HSPBP1: variants seen among roughly 807,000 people sequenced by gnomAD.
HSPBP1 encodes the protein hsp70-binding protein 1.
A neutral mutation model predicts 41.7 loss-of-function variants in HSPBP1; 31 were observed. That is an observed-to-expected ratio of 0.74 (90% CI 0.56 to 1.00). HSPBP1 has a LOEUF of 1.00. Among genes scored for constraint, HSPBP1 ranks in the 50% least tolerant of loss-of-function variants. The pLI is 0.00. For synonymous variants in HSPBP1, 199 were observed against 214.4 expected, an observed-to-expected ratio of 0.93 and a Z score of 0.63; for missense variants, 439 against 487.9, an observed-to-expected ratio of 0.90 and a Z score of 0.94.
intron 3 of HSPBP1, 56 bp from the exon 4 acceptor site, chr19:55,274,678 C>T: frequency 6.9e-7 from 1 of 1,450,314 alleles, no homozygotes; most frequent in Non-Finnish European, 9.4e-7. Context: ...AACCGTGCCC[C>T]CCAAAATGCA....
At position 55,277,838 on chromosome 19, in the gene HSPBP1, C is replaced by T. The variant is rs766073993; in HGVS notation, c.219G>A (p.Gln73=). 6.4e-7 allele frequency: 1 copy of T among 1,565,888 alleles called. No homozygotes were observed. The highest frequency in any genetic ancestry group is 1.8e-5 in the Admixed American group (1 of 54,822). The change falls in exon 3 of 8, where the codon CAG becomes CAA. Residue 73 remains glutamine, a synonymous_variant. Transcript: ENST00000433386. ...PPEPMSEERR[Q]WLQEAMSAAF... is the part of the protein sequence containing the mutation. Reference sequence around the variant, plus strand: ...CAGCCGACATGGCCTCCTGCAGCCACTGACGCCTCTGGAGACCAAGGCGAG... The same window carrying T: ...CAGCCGACATGGCCTCCTGCAGCCATTGACGCCTCTGGAGACCAAGGCGAG...
At chr19:55,275,323 G>A (rs1453342562) in intron 3 of HSPBP1, among the ~76,000 whole-genome samples, 3 of 152,104 alleles carry the variant, frequency 2.0e-5, no homozygotes, top group Admixed American at 1.3e-4. Context: ...CAGATTCCCC[G>A]TGACCCAGCA....
Position 55,265,512 on chromosome 19 carries a change from C to A in HSPBP1, c.894-123G>T, listed in dbSNP as rs2087751808. ...TGGCAAGTCGCTGCCCCACAATGGG[C>A]CTCCATTTCCCCATCTGCGGAATGG... is the stretch of plus-strand genomic sequence containing the variant. On this transcript the variant is annotated intron_variant, in intron 6 of 7. Coordinates refer to ENST00000433386, the MANE Select transcript of HSPBP1 (RefSeq NM_012267.5). The A allele has an allele frequency of 6.5e-6, 5 of 767,144 alleles. No homozygotes were observed. The South Asian group carries it at 7.2e-5, about 11-fold the overall frequency. The allele number at this position is 767,144 out of a possible 1,614,324, so 47.5% of individuals were successfully genotyped here.
intron 3 of HSPBP1, among the ~76,000 whole-genome samples, chr19:55,277,339 G>A (rs2088099921): frequency 6.6e-6 from 1 of 152,164 alleles, no homozygotes; most frequent in African/African-American, 2.4e-5. Context: ...CGTCACCCCG[G>A]GGAGGCCTTC....
intron 1 of HSPBP1, 46 bp from the exon 2 acceptor site, chr19:55,279,748 A>C (rs2088182664): frequency 1.3e-6 from 2 of 1,530,616 alleles, no homozygotes; most frequent in Non-Finnish European, 1.7e-6. Context: ...ACCCCCCATG[A>C]CCCCAAACCA....
At position 55,272,917 on chromosome 19, in the gene HSPBP1, G is replaced by A. The variant is rs1174400590; in HGVS notation, c.640+1481C>T. Among the ~76,000 whole-genome samples, 5 of 152,118 alleles carry A rather than the reference G, an allele frequency of 3.3e-5. No homozygotes were observed. Among genetic ancestry groups the A allele is most frequent in the Non-Finnish European group, 4.4e-5 (3 of 68,038 alleles). Reference sequence around the variant, plus strand: ...TGCCGATAGCCATACCACCCCGAACGCGTCTGATCACATCTAAAATTAGAG... The same window carrying A: ...TGCCGATAGCCATACCACCCCGAACACGTCTGATCACATCTAAAATTAGAG... On this transcript the variant is annotated intron_variant, in intron 4 of 7. Transcript: ENST00000433386. This position sits in a 1 kb window ranked among gnomAD's most constrained non-coding sequence, Gnocchi z 4.2.
chr19:55,266,053 T>C, intron 5 of HSPBP1, 71 bp from the exon 6 acceptor site: 6 of 1,561,002 alleles, frequency 3.8e-6, no homozygotes, highest in Non-Finnish European at 5.2e-6. Context: ...GGATGCCTGT[T>C]CCTCCCCTTC....
At chr19:55,266,730 T>C (rs559076625) in intron 4 of HSPBP1, among the ~76,000 whole-genome samples, 2 of 152,314 alleles carry the variant, frequency 1.3e-5, no homozygotes, top group East Asian at 3.9e-4. Context: ...TTTTGAAGTA[T>C]GCTTTTGAGA....
At chr19:55,277,957 C>G in intron 2 of HSPBP1, 111 bp from the exon 3 acceptor site, 1 of 921,642 alleles carries the variant, frequency 1.1e-6, no homozygotes, top group African/African-American at 1.7e-5. Context: ...CTTCAGTCAA[C>G]AAATATCGGC....
At chr19:55,274,354 C>CCCCCCCCCCCCCCCCCCCCT in intron 4 of HSPBP1, 44 bp downstream of exon 4, 1 of 632,308 alleles carries the variant, frequency 1.6e-6, no homozygotes. Flanking sequence ...GGCACCCCCC[C>CCCCCCCCCCCCCCCCCCCCT]CCACCGCCAG....
At chr19:55,267,268 A>T (rs1217430405) in intron 4 of HSPBP1, among the ~76,000 whole-genome samples, 2 of 152,116 alleles carry the variant, frequency 1.3e-5, no homozygotes, top group African/African-American at 4.8e-5. Context: ...CTTCAGCCTC[A>T]GCCCCCCAAG....
Position 55,279,341 on chromosome 19 carries a change from G to C in HSPBP1, c.210+58C>G, listed in dbSNP as rs150253872. The C allele has an allele frequency of 3.4e-3, 5,002 of 1,473,970 alleles. 58 individuals carry two copies. The highest frequency in any genetic ancestry group is 0.03 in the African/African-American group (2,090 of 70,038). 91.3% of individuals were successfully genotyped at this position (1,473,970 alleles called of 1,614,324 possible). On this transcript the variant is annotated intron_variant, in intron 2 of 7. Coordinates refer to ENST00000433386, the MANE Select transcript of HSPBP1 (RefSeq NM_012267.5). ...TGGCTCCCCAAGTCACACTTCCCAA[G>C]GCAACTCTATCTGTCCCCAGGCCCC...
chr19:55,264,626 T>C (rs1262179522), intron 7 of HSPBP1, among the ~76,000 whole-genome samples: 1 of 152,216 alleles, frequency 6.6e-6, no homozygotes, highest in Non-Finnish European at 1.5e-5. Flanking sequence ...AGTTAAATCA[T>C]TAAGACATTT....
At chr19:55,278,680 G>A (rs1044620270) in intron 2 of HSPBP1, among the ~76,000 whole-genome samples, 1 of 152,022 alleles carries the variant, frequency 6.6e-6, no homozygotes, top group Non-Finnish European at 1.5e-5. Flanking sequence ...TTGGGAGGCC[G>A]AGGCAGGTGG....
intron 5 of HSPBP1, 54 bp from the exon 6 acceptor site, chr19:55,266,036 C>CT: frequency 6.4e-7 from 1 of 1,562,622 alleles, no homozygotes; most frequent in East Asian, 2.3e-5. Context: ...CTCCTATGCC[C>CT]TCCCCGGGAT....
chr19:55,273,835 G>A (rs2087987482), intron 4 of HSPBP1, among the ~76,000 whole-genome samples: 1 of 152,122 alleles, frequency 6.6e-6, no homozygotes, highest in Non-Finnish European at 1.5e-5. Flanking sequence ...AACACTTTCA[G>A]AGGCCAAGGC....
chr19:55,277,948 T>C, intron 2 of HSPBP1, 102 bp from the exon 3 acceptor site: 1 of 983,984 alleles, frequency 1.0e-6, no homozygotes, highest in Non-Finnish European at 1.4e-6. Flanking sequence ...CTGATGTTCC[T>C]TCAGTCAACA....
rs920439442 is a variant in HSPBP1 at position 55,270,222 on chromosome 19, G to A, written c.641-3936C>T. Among the ~76,000 whole-genome samples the A allele has an allele frequency of 7.2e-5, 11 of 152,184 alleles. No individual in the cohort carries two copies. Among genetic ancestry groups the A allele is most frequent in the Non-Finnish European group, 2.9e-5 (2 of 68,040 alleles). On this transcript the variant is annotated intron_variant, in intron 4 of 7. Transcript: ENST00000433386. This position sits in a 1 kb window ranked among gnomAD's most constrained non-coding sequence, Gnocchi z 5.4. ...GCTCCCAGAGCTCTTGCCCTGCATC[G>A]TGCACAACTTTCGCTGGGGAAGCCG...
chr19:55,266,453 AC>A, intron 4 of HSPBP1, among the ~76,000 whole-genome samples, 167 bp from the exon 5 acceptor site: 1 of 123,360 alleles, frequency 8.1e-6, no homozygotes, highest in Non-Finnish European at 1.7e-5. Context: ...TCTCATCCTC[AC>A]CACCATCACC....
Sources: gnomAD v4.1 joint callset for allele counts (sites outside exome capture counted in the v4.1 genomes callset) on GRCh38, gnomAD v4.1.1 for gene constraint, Gnocchi (gnomAD v3.1) non-coding constraint, MANE v1.5 for transcripts, NCBI Gene and HGNC (gene_info 2026-07-23, HGNC 2026-07-21) for gene names.